Variants in TSHZ2 observed in about 807,000 individuals in gnomAD.
TSHZ2 encodes the protein teashirt zinc finger homeobox 2.
A neutral mutation model predicts 74.4 loss-of-function variants in TSHZ2; 21 were observed. The observed-to-expected ratio is 0.28, with a 90% confidence interval of 0.20 to 0.41. The LOEUF (loss-of-function observed/expected upper bound fraction) is 0.41, where lower values mean the gene tolerates loss of function less well. TSHZ2 is among the 10% of genes least tolerant of loss of function. The pLI, the probability that TSHZ2 is intolerant of heterozygous loss-of-function variation, is 1.00. For missense variants in TSHZ2, 1,244 were observed against 1,293.5 expected, an observed-to-expected ratio of 0.96 and a Z score of 0.59; for synonymous variants, 540 against 515.3, an observed-to-expected ratio of 1.05 and a Z score of -0.65.
intron 1 of TSHZ2, among the ~76,000 whole-genome samples, chr20:53,008,983 CTCTCTCT>C (rs879482987): frequency 0.033 from 242 of 7,258 alleles, no homozygotes; most frequent in Non-Finnish European, 0.17. Context: ...TCTTTCTCCT[CTCTCTCT>C]CTCTCTCTCT....
chr20:53,167,802 T>C (rs1037002520), intron 1 of TSHZ2, among the ~76,000 whole-genome samples: 1 of 152,162 alleles, frequency 6.6e-6, no homozygotes, highest in African/African-American at 2.4e-5. Context: ...GGTGGGGTAT[T>C]ACGTCCCCCG....
intron 1 of TSHZ2, among the ~76,000 whole-genome samples, chr20:53,226,324 C>T (rs1989686633): frequency 6.6e-6 from 1 of 152,140 alleles, no homozygotes; most frequent in Admixed American, 6.5e-5. Context: ...ATTTCCCCTG[C>T]ACAGTTGTTA....
At chr20:53,464,924 G>A (rs753021988) in intron 2 of TSHZ2, among the ~76,000 whole-genome samples, 10 of 152,190 alleles carry the variant, frequency 6.6e-5, no homozygotes, top group Admixed American at 6.5e-5. Context: ...GAGCCACCAC[G>A]CTCAGCTTAG....
At chr20:53,065,369 A>G (rs899851833) in intron 1 of TSHZ2, among the ~76,000 whole-genome samples, 5 of 152,340 alleles carry the variant, frequency 3.3e-5, no homozygotes, top group Non-Finnish European at 7.3e-5. Flanking sequence ...AGGGAGCATG[A>G]TATCTTTTCC....
At chr20:53,120,986 G>A (rs1327844041) in intron 1 of TSHZ2, among the ~76,000 whole-genome samples, 1 of 151,862 alleles carries the variant, frequency 6.6e-6, no homozygotes, top group East Asian at 1.9e-4. Context: ...TTTACAAATG[G>A]CCTCTTTTTT....
At chr20:53,045,158 C>T (rs1984182304) in intron 1 of TSHZ2, among the ~76,000 whole-genome samples, 1 of 152,186 alleles carries the variant, frequency 6.6e-6, no homozygotes, top group Non-Finnish European at 1.5e-5. Flanking sequence ...TCTTCTGGGA[C>T]TCCAGATGAC....
At chr20:52,991,729 C>G (rs56926125) in intron 1 of TSHZ2, among the ~76,000 whole-genome samples, 9 of 125,080 alleles carry the variant, frequency 7.2e-5, no homozygotes, top group South Asian at 2.6e-4. Flanking sequence ...GTGTTGGGGG[C>G]AGAGAGTGTG....
intron 2 of TSHZ2, among the ~76,000 whole-genome samples, chr20:53,367,633 C>T (rs984476378): frequency 1.3e-5 from 2 of 151,324 alleles, no homozygotes; most frequent in Admixed American, 6.6e-5. Flanking sequence ...TGCAGTGGCG[C>T]GATCTCGGCT....
chr20:53,413,254 G>C (rs1406576392), intron 2 of TSHZ2, among the ~76,000 whole-genome samples: 2 of 152,136 alleles, frequency 1.3e-5, no homozygotes, highest in African/African-American at 4.8e-5. Context: ...GGAAGTGAGG[G>C]GGAAGGAGGC....
intron 1 of TSHZ2, among the ~76,000 whole-genome samples, chr20:52,975,831 G>C (rs764511037): frequency 1.3e-5 from 2 of 152,132 alleles, no homozygotes; most frequent in Non-Finnish European, 2.9e-5. Flanking sequence ...TAGCCACTTT[G>C]GGGTTCTGTA....
chr20:53,177,381 T>C (rs186739319), intron 1 of TSHZ2, among the ~76,000 whole-genome samples: 1 of 152,368 alleles, frequency 6.6e-6, no homozygotes, highest in Admixed American at 6.5e-5. Context: ...CAAATTTTAA[T>C]GTGCGTATGA....
chr20:53,064,802 A>C (rs1173003693), intron 1 of TSHZ2, among the ~76,000 whole-genome samples: 1 of 152,164 alleles, frequency 6.6e-6, no homozygotes, highest in African/African-American at 2.4e-5. Context: ...CTATGTGTGG[A>C]TATCTGGACT....
chr20:53,221,967 T>C (rs1040837933), intron 1 of TSHZ2, among the ~76,000 whole-genome samples: 1 of 152,242 alleles, frequency 6.6e-6, no homozygotes, highest in Non-Finnish European at 1.5e-5. Flanking sequence ...TGCGTGAAGT[T>C]AGGCGAAATA....
intron 2 of TSHZ2, among the ~76,000 whole-genome samples, chr20:53,340,126 G>T (rs1022935786): frequency 6.6e-6 from 1 of 151,562 alleles, no homozygotes; most frequent in Admixed American, 6.6e-5. Context: ...CTGGTGGGGG[G>T]AAGAGCAGCC....
chr20:53,425,009 A>G (rs1447690172), intron 2 of TSHZ2, among the ~76,000 whole-genome samples: 1 of 152,202 alleles, frequency 6.6e-6, no homozygotes, highest in Non-Finnish European at 1.5e-5. Flanking sequence ...TATTGTGCAT[A>G]GTGCTGCAAT....
At chr20:53,007,111 T>A (rs907731605) in intron 1 of TSHZ2, among the ~76,000 whole-genome samples, 3 of 152,172 alleles carry the variant, frequency 2.0e-5, no homozygotes, top group African/African-American at 7.2e-5. Context: ...CTGACAGCCC[T>A]AGCCTGGGGT....
At chr20:53,436,332 G>A (rs555782246) in intron 2 of TSHZ2, among the ~76,000 whole-genome samples, 2 of 151,978 alleles carry the variant, frequency 1.3e-5, no homozygotes, top group African/African-American at 2.4e-5. Flanking sequence ...AAGAAACTAC[G>A]CTAGTCAGTT....
chr20:52,997,158 T>C (rs1982229863), intron 1 of TSHZ2, among the ~76,000 whole-genome samples: 1 of 152,152 alleles, frequency 6.6e-6, no homozygotes, highest in Non-Finnish European at 1.5e-5. Context: ...AGCAAAGGCA[T>C]AGTGCAGGCA....
intron 1 of TSHZ2, among the ~76,000 whole-genome samples, chr20:53,117,867 A>C (rs902552011): frequency 6.6e-6 from 1 of 152,144 alleles, no homozygotes; most frequent in African/African-American, 2.4e-5. Context: ...TGCTTAATCC[A>C]ATGTCTTCCC....
Sources: gnomAD v4.1 joint callset for allele counts (sites outside exome capture counted in the v4.1 genomes callset) on GRCh38, gnomAD v4.1.1 for gene constraint, MANE v1.5 for transcripts, NCBI Gene and HGNC (gene_info 2026-07-23, HGNC 2026-07-21) for gene names.